The following ITGA11 variants were observed in gnomAD, a reference collection of about 807,000 sequenced individuals.
The protein encoded by ITGA11 is integrin subunit alpha 11, also known as integrin alpha-11.
A neutral mutation model predicts 141.9 loss-of-function variants in ITGA11; 97 were observed. The ratio of observed to expected loss-of-function variants is 0.68; its 90% CI spans 0.58 to 0.81. The LOEUF is 0.81. ITGA11 is among the 30% of genes least tolerant of loss of function. The pLI is 0.00. For missense variants in ITGA11, 1,387 were observed against 1,559.2 expected (o/e 0.89, Z 1.86); for synonymous variants, 658 against 624.6 (o/e 1.05, Z -0.80).
intron 2 of ITGA11, among the ~76,000 whole-genome samples, chr15:68,392,308 G>A (rs975585028): frequency 6.6e-6 from 1 of 152,270 alleles, no homozygotes; most frequent in East Asian, 1.9e-4. Context: ...CTATTTTCAG[G>A]CACTGGACAG....
chr15:68,322,308 G>T lies in ITGA11; in HGVS notation c.2323-805C>A, dbSNP rs537569375. On this transcript the variant is annotated intron_variant, in intron 18 of 29. Transcript: ENST00000315757. This position sits in a 1 kb window ranked among gnomAD's most constrained non-coding sequence, Gnocchi z 5.6. The stretch of plus-strand genomic sequence containing the variant: ...CTGACAGACCTGCATGCTGAAGGCT[G>T]CCCTGGCTGCTGTGGGAGAATGGAG... 6.6e-6 allele frequency among the ~76,000 whole-genome samples: 1 copy of T among 152,308 alleles called. No individual in the cohort carries two copies. Among genetic ancestry groups the T allele is most frequent in the Admixed American group, 6.5e-5 (1 of 15,298 alleles).
intron 2 of ITGA11, among the ~76,000 whole-genome samples, chr15:68,383,885 A>AG (rs1363136246): frequency 6.6e-6 from 1 of 152,206 alleles, no homozygotes; most frequent in South Asian, 2.1e-4. Context: ...AGGCTGCTGT[A>AG]GGGGGAGGCT....
At chr15:68,378,593 T>C (rs549442224) in intron 2 of ITGA11, among the ~76,000 whole-genome samples, 2 of 152,344 alleles carry the variant, frequency 1.3e-5, no homozygotes, top group East Asian at 1.9e-4. Flanking sequence ...CAGTAAGCTA[T>C]GATCATGCCA....
At chr15:68,422,465 T>A (rs985431986) in intron 1 of ITGA11, among the ~76,000 whole-genome samples, 52 of 152,044 alleles carry the variant, frequency 3.4e-4, no homozygotes, top group African/African-American at 1.2e-3. Flanking sequence ...CACTCTGGTG[T>A]CCCCTTGCTG....
intron 18 of ITGA11, among the ~76,000 whole-genome samples, chr15:68,323,370 A>G (rs1425766079): frequency 6.6e-6 from 1 of 152,248 alleles, no homozygotes; most frequent in African/African-American, 2.4e-5. Context: ...TTTGAGAACT[A>G]TATAATGACC....
intron 2 of ITGA11, among the ~76,000 whole-genome samples, chr15:68,388,975 C>T (rs979843764): frequency 1.5e-4 from 23 of 152,264 alleles, no homozygotes; most frequent in Admixed American, 1.4e-3. Context: ...CTCCTCCAGC[C>T]ACATGGGATG....
At chr15:68,425,192 C>T (rs990723689) in intron 1 of ITGA11, among the ~76,000 whole-genome samples, 10 of 152,138 alleles carry the variant, frequency 6.6e-5, no homozygotes, top group African/African-American at 1.4e-4. Context: ...AACAGGCCCA[C>T]GGGGAGAGCC....
chr15:68,343,459 AG>A (rs1263554259), intron 10 of ITGA11, among the ~76,000 whole-genome samples: 1 of 152,232 alleles, frequency 6.6e-6, no homozygotes, highest in Non-Finnish European at 1.5e-5. Flanking sequence ...AAGCTCAGAC[AG>A]GTCAAATGAT....
In ITGA11 at chr15:68,404,222, T is replaced by A. The variant is rs74022209; in HGVS notation, c.53-1193A>T. Among the ~76,000 whole-genome samples, 806 of 152,240 alleles carry A rather than the reference T, an allele frequency of 5.3e-3. 2 individuals carry two copies. Among genetic ancestry groups the A allele is most frequent in the African/African-American group, 0.019 (782 of 41,544 alleles). ...TGACATCCACCTTCCTCTGCAAGCC[T>A]GAGGTCCCAGTGGCCATGGGCGCCG... is the stretch of plus-strand genomic sequence containing the variant. On this transcript the variant is annotated intron_variant, in intron 1 of 29. Coordinates refer to ENST00000315757, the MANE Select transcript of ITGA11 (RefSeq NM_001004439.2).
chr15:68,330,885 A>G, intron 15 of ITGA11, 96 bp downstream of exon 15: 1 of 1,466,152 alleles, frequency 6.8e-7, no homozygotes, highest in Non-Finnish European at 9.4e-7. Flanking sequence ...GCAGTTAAAG[A>G]CAAGAGACAA....
At chr15:68,426,736 G>A (rs148182785) in intron 1 of ITGA11, among the ~76,000 whole-genome samples, 1,738 of 152,196 alleles carry the variant, frequency 0.011, 34 homozygotes, top group African/African-American at 0.039. Context: ...TATGGTGCAT[G>A]GATTAAAAGC....
intron 1 of ITGA11, among the ~76,000 whole-genome samples, chr15:68,423,686 G>A (rs1223907473): frequency 1.3e-5 from 2 of 152,150 alleles, no homozygotes; most frequent in African/African-American, 2.4e-5. Flanking sequence ...TCACTTTGAC[G>A]GCTGTGGAGA....
chr15:68,368,572 G>C (rs74444708), intron 3 of ITGA11, among the ~76,000 whole-genome samples: 93 of 152,360 alleles, frequency 6.1e-4, no homozygotes, highest in Non-Finnish European at 9.7e-4. Flanking sequence ...CTTTGGCGAG[G>C]AAAAGCTTGC....
At chr15:68,309,997 C>G (rs1346392725) in intron 26 of ITGA11, among the ~76,000 whole-genome samples, 1 of 152,136 alleles carries the variant, frequency 6.6e-6, no homozygotes, top group African/African-American at 2.4e-5. Context: ...TTAGAAGGAG[C>G]CAAATCAGGA....
Position 68,358,580 on chromosome 15 carries a change from G to A in ITGA11, c.478C>T (p.Gln160Ter). 6.2e-7 allele frequency: 1 copy of A among 1,611,188 alleles called. No homozygotes were observed. Among genetic ancestry groups the A allele is most frequent in the Non-Finnish European group, 8.5e-7 (1 of 1,178,974 alleles). The change falls in exon 6 of 30, where the codon CAG becomes TAG. Residue 160 changes from glutamine to a stop codon, truncating the protein, a stop_gained. Transcript: ENST00000315757. LOFTEE classifies it high-confidence loss of function. ...KTVAPALQRCQTYMDIVIVLD... is the reference protein window; with the variant it reads ...KTVAPALQRC ...ACAATGACGATGTCCATGTAGGTCT[G>A]GCACCCTGGAAAGTGGGGACACAGT...
chr15:68,331,424 G>A (rs1438872984), intron 14 of ITGA11, among the ~76,000 whole-genome samples: 6 of 152,162 alleles, frequency 3.9e-5, no homozygotes, highest in Non-Finnish European at 7.3e-5. Flanking sequence ...CTGATAAACC[G>A]TGTGGGCAAA....
At chr15:68,399,974 G>A (rs190171092) in intron 2 of ITGA11, among the ~76,000 whole-genome samples, 228 of 152,162 alleles carry the variant, frequency 1.5e-3, no homozygotes, top group South Asian at 2.3e-3. Context: ...TAAAAAAGAA[G>A]AGAAAACCAA....
intron 22 of ITGA11, among the ~76,000 whole-genome samples, chr15:68,314,146 C>T (rs1425508310): frequency 1.3e-5 from 2 of 152,188 alleles, no homozygotes; most frequent in Admixed American, 1.3e-4. Flanking sequence ...CGGACTGGAC[C>T]CCAGCCTGTT....
rs1323135019 is a variant in ITGA11 at position 68,305,558 on chromosome 15, T to C, written c.3382-1673A>G. Among the ~76,000 whole-genome samples, 2 of 152,062 alleles carry C rather than the reference T, an allele frequency of 1.3e-5. No individual in the cohort carries two copies. Among genetic ancestry groups the C allele is most frequent in the Non-Finnish European group, 2.9e-5 (2 of 68,006 alleles). ...CCACCTGCAACAGCAGACAGAGCCA[T>C]GTGGAGTGAATGGACCACCTGCAAC... is the stretch of plus-strand genomic sequence containing the variant. On this transcript the variant is annotated intron_variant, in intron 28 of 29. Coordinates refer to ENST00000315757, the MANE Select transcript of ITGA11 (RefSeq NM_001004439.2). The surrounding 1 kb of genome is among the most constrained non-coding windows in gnomAD (Gnocchi z 4.6).
Sources: gnomAD v4.1 joint callset for allele counts (sites outside exome capture counted in the v4.1 genomes callset) on GRCh38, gnomAD v4.1.1 for gene constraint, Gnocchi (gnomAD v3.1) non-coding constraint, MANE v1.5 for transcripts, NCBI Gene and HGNC (gene_info 2026-07-23, HGNC 2026-07-21) for gene names.